TUBGCP6: variants seen among roughly 807,000 people sequenced by gnomAD.
TUBGCP6 encodes the protein gamma-tubulin complex component 6.
Under a neutral mutation model 175.8 loss-of-function variants are expected in TUBGCP6, and 161 were observed. The ratio of observed to expected loss-of-function variants is 0.92; its 90% CI spans 0.81 to 1.04. TUBGCP6 has a LOEUF of 1.04. Among genes scored for constraint, TUBGCP6 ranks in the 50% least tolerant of loss-of-function variants. TUBGCP6 has a pLI of 0.00. For missense variants in TUBGCP6, 2,572 were observed against 2,433.0 expected (o/e 1.06, Z -1.20); for synonymous variants, 1,173 against 1,030.5 (o/e 1.14, Z -2.65).
intron 4 of TUBGCP6, among the ~76,000 whole-genome samples, chr22:50,229,139 C>T (rs1447678047): frequency 2.0e-5 from 3 of 152,188 alleles, no homozygotes; most frequent in Non-Finnish European, 4.4e-5. Flanking sequence ...GCCCTGCGCA[C>T]CCCTTATGCT....
chr22:50,221,095 G>A lies in TUBGCP6; in HGVS notation c.3264C>T (p.Ile1088=), dbSNP rs1048032986. ...NTHGHVSNAS[I]SLGESVSDVA... ...CATCTGACACAGACTCCCCTAAGCTGATGCTGGCATTGGATACGTGTCCGT... is the reference window on the plus strand; with the variant it reads ...CATCTGACACAGACTCCCCTAAGCTAATGCTGGCATTGGATACGTGTCCGT... Residue 1088 remains isoleucine (I), a synonymous_variant, in exon 16 of 25, where the codon ATC becomes ATT. Transcript: ENST00000248846. 6.2e-7 allele frequency: 1 copy of A among 1,613,048 alleles called. No individual in the cohort carries two copies. Among genetic ancestry groups the A allele is most frequent in the East Asian group, 2.2e-5 (1 of 44,802 alleles).
chr22:50,244,625 G>A lies in TUBGCP6; in HGVS notation c.-166C>T, dbSNP rs535472513. 5.6e-5 allele frequency: 69 copies of A among 1,227,726 alleles called. 1 individual carries two copies. The East Asian group carries it at 1.5e-3, about 27-fold the overall frequency. 76.1% of individuals were successfully genotyped at this position (1,227,726 alleles called of 1,614,324 possible). Reference sequence around the variant, plus strand: ...GGTATTTTTTAAAGGAGGTCTTGCGGTTGCTCTACTCAGAGTAAACACGCC... The same window carrying A: ...GGTATTTTTTAAAGGAGGTCTTGCGATTGCTCTACTCAGAGTAAACACGCC... On this transcript the variant is annotated 5_prime_UTR_variant, in exon 1 of 25. Coordinates refer to ENST00000248846, the MANE Select transcript of TUBGCP6 (RefSeq NM_020461.4).
In TUBGCP6 at chr22:50,225,482, C is replaced by T. The variant is rs371056801; in HGVS notation, c.1983+312G>A. Among the ~76,000 whole-genome samples, 8 of 152,180 alleles carry T rather than the reference C, an allele frequency of 5.3e-5. No individual in the cohort carries two copies. The East Asian group carries it at 9.7e-4, about 18-fold the overall frequency. On this transcript the variant is annotated intron_variant, in intron 10 of 24. Transcript: ENST00000248846. Reference sequence around the variant, plus strand: ...GGGGAGGCCCCAACGGAGTTTCCCACGCCAGCAAAGCCTGGGCTTCAGGCT... The same window carrying T: ...GGGGAGGCCCCAACGGAGTTTCCCATGCCAGCAAAGCCTGGGCTTCAGGCT...
At chr22:50,224,303 G>A (rs767318254) in intron 12 of TUBGCP6, 29 bp downstream of exon 12, 4 of 1,614,182 alleles carry the variant, frequency 2.5e-6, no homozygotes, top group Middle Eastern at 1.6e-4. Flanking sequence ...ACTGACAGGC[G>A]TGACCCCGCA....
intron 9 of TUBGCP6, 43 bp from the exon 10 acceptor site, chr22:50,225,986 A>G: frequency 1.2e-6 from 2 of 1,613,024 alleles, no homozygotes; most frequent in Non-Finnish European, 1.7e-6. Flanking sequence ...ACTCAGCCCC[A>G]GCCTCATACT....
chr22:50,229,659 C>A, intron 3 of TUBGCP6, 82 bp from the exon 4 acceptor site: 1 of 1,425,554 alleles, frequency 7.0e-7, no homozygotes, highest in East Asian at 2.5e-5. Flanking sequence ...CACCCTTGCA[C>A]CCAACCCCAC....
rs1000113726 is a variant in TUBGCP6 at position 50,218,106 on chromosome 22, G to A, written c.5180C>T (p.Thr1727Met). Residue 1727 changes from threonine (T) to methionine (M), a missense_variant, in exon 24 of 25, where the codon ACG becomes ATG. Thr to Met is a moderately conservative substitution (Grantham distance 81). Coordinates refer to ENST00000248846, the MANE Select transcript of TUBGCP6 (RefSeq NM_020461.4). ...LHKAVFRGLLTEKAAPVMNVI... is the reference protein window; with the variant it reads ...LHKAVFRGLLMEKAAPVMNVI... ...GTTCATGACGGGCGCCGCCTTCTCC[G>A]TGAGCAGGCCCCTGGGGGGAAGCAG... is the stretch of plus-strand genomic sequence containing the variant. 5.0e-6 allele frequency: 8 copies of A among 1,612,460 alleles called. No homozygotes were observed. The highest frequency in any genetic ancestry group is 2.7e-5 in the African/African-American group (2 of 74,914).
Position 50,221,122 on chromosome 22 carries a change from G to T in TUBGCP6, c.3237C>A (p.Thr1079=). Residue 1079 remains threonine (T), a synonymous_variant, in exon 16 of 25, where the codon ACC becomes ACA. Transcript: ENST00000248846. The stretch of plus-strand genomic sequence containing the variant: ...TGCTGGCATTGGATACGTGTCCGTG[G>T]GTGTTCCACCGTGGCTGGGTGGGAG... The part of the protein sequence containing the change: ...DVAPTQPRWN[T]HGHVSNASIS... 6.2e-7 allele frequency: 1 copy of T among 1,612,952 alleles called. No homozygotes were observed.
intron 4 of TUBGCP6, 106 bp from the exon 5 acceptor site, chr22:50,228,134 A>G: frequency 1.5e-6 from 2 of 1,324,524 alleles, no homozygotes; most frequent in Non-Finnish European, 2.0e-6. Context: ...TTCTTGCCTC[A>G]GCTCTGGGCT....
chr22:50,218,476 G>T lies in TUBGCP6; in HGVS notation c.4954+12C>A, dbSNP rs368474046. On this transcript the variant is annotated intron_variant, in intron 22 of 24. Transcript: ENST00000248846. ...CAGGGGTGCGGGGCGCCGGGCTCCA[G>T]CGGGGCCTCACCTGTGCGCTTGAGG... is the stretch of plus-strand genomic sequence containing the variant. The T allele has an allele frequency of 1.9e-5, 31 of 1,613,308 alleles. No individual in the cohort carries two copies. In the South Asian group the frequency reaches 3.1e-4, roughly 16 times the overall value.
intron 14 of TUBGCP6, 144 bp from the exon 15 acceptor site, chr22:50,222,246 G>T: frequency 8.6e-7 from 1 of 1,162,090 alleles, no homozygotes; most frequent in Non-Finnish European, 1.2e-6. Flanking sequence ...GGGACGCTGG[G>T]CCTGCAAAAA....
Position 50,243,618 on chromosome 22 carries a change from A to C in TUBGCP6, c.741+101T>G, listed in dbSNP as rs1473136100. On this transcript the variant is annotated intron_variant, in intron 1 of 24. Coordinates refer to ENST00000248846, the MANE Select transcript of TUBGCP6 (RefSeq NM_020461.4). ...GGGTGACAGAGTGAGACACTGTCTC[A>C]AAAAAAAAAAAAAAAAGAAGAAGAA... The C allele has an allele frequency of 1.4e-5, 6 of 432,992 alleles. No individual in the cohort carries two copies. The African/African-American group carries it at 3.2e-4, about 23-fold the overall frequency. The allele number at this position is 432,992 out of a possible 1,614,324, so 26.8% of individuals were successfully genotyped here.
intron 2 of TUBGCP6, among the ~76,000 whole-genome samples, chr22:50,235,324 A>ATGCCT (rs2064762320): frequency 2.0e-5 from 3 of 151,198 alleles, no homozygotes; most frequent in African/African-American, 4.9e-5. Context: ...GCCTGTCCAC[A>ATGCCT]GCAGCATCCA....
At chr22:50,227,748 C>A (rs1209763499) in intron 5 of TUBGCP6, among the ~76,000 whole-genome samples, 159 bp downstream of exon 5, 2 of 152,208 alleles carry the variant, frequency 1.3e-5, no homozygotes. Context: ...CAGCACCGGG[C>A]ACCTGGTGAA....
Position 50,244,992 on chromosome 22 carries a change from C to A in TUBGCP6, c.-533G>T. 4.4e-6 allele frequency: 1 copy of A among 227,516 alleles called. No homozygotes were observed. Among genetic ancestry groups the A allele is most frequent in the South Asian group, 5.7e-5 (1 of 17,514 alleles). 14.1% of individuals were successfully genotyped at this position (227,516 alleles called of 1,614,324 possible). Reference sequence around the variant, plus strand: ...AAAGTGCCCACGGCTGCCGCTCTCGCCGCCTCCGTCGCGTCACAGCCGCGC... The same window carrying A: ...AAAGTGCCCACGGCTGCCGCTCTCGACGCCTCCGTCGCGTCACAGCCGCGC... On this transcript the variant is annotated 5_prime_UTR_variant, in exon 1 of 25. Transcript: ENST00000248846.
intron 7 of TUBGCP6, 106 bp downstream of exon 7, chr22:50,226,627 T>C (rs2064614814): frequency 1.9e-6 from 2 of 1,070,044 alleles, no homozygotes; most frequent in African/African-American, 1.6e-5. Context: ...TGCCCTCCCC[T>C]TCCTGTGTGA....
At chr22:50,236,563 C>T (rs2064780522) in intron 2 of TUBGCP6, among the ~76,000 whole-genome samples, 1 of 152,166 alleles carries the variant, frequency 6.6e-6, no homozygotes, top group Non-Finnish European at 1.5e-5. Flanking sequence ...ACTGGCACTA[C>T]ACACACTCAC....
intron 6 of TUBGCP6, 25 bp downstream of exon 6, chr22:50,226,974 C>T (rs776160636): frequency 5.0e-6 from 8 of 1,607,640 alleles, no homozygotes; most frequent in Non-Finnish European, 6.8e-6. Context: ...CAGGCTGACA[C>T]ACTCGGCAGG....
At chr22:50,219,918 C>G in intron 17 of TUBGCP6, 39 bp downstream of exon 17, 5 of 1,612,986 alleles carry the variant, frequency 3.1e-6, no homozygotes, top group Non-Finnish European at 4.2e-6. Context: ...CAGAGCCCTC[C>G]CTGCCTGCTG....
Sources: gnomAD v4.1 joint callset for allele counts (sites outside exome capture counted in the v4.1 genomes callset) on GRCh38, gnomAD v4.1.1 for gene constraint, MANE v1.5 for transcripts, NCBI Gene and HGNC (gene_info 2026-07-23, HGNC 2026-07-21) for gene names.